Variants in ADAMTSL1 observed in about 807,000 individuals in gnomAD.
ADAMTSL1 encodes the protein ADAMTS like 1.
Under a neutral mutation model 201.8 loss-of-function variants are expected in ADAMTSL1, and 126 were observed. The observed-to-expected ratio is 0.62, with a 90% confidence interval of 0.54 to 0.72. ADAMTSL1 has a LOEUF of 0.72. ADAMTSL1 is among the 30% of genes least tolerant of loss of function. The pLI, the probability that ADAMTSL1 is intolerant of heterozygous loss-of-function variation, is 0.00. For synonymous variants in ADAMTSL1, 1,121 were observed against 903.4 expected (o/e 1.24, Z -4.32); for missense variants, 2,679 against 2,277.8 (o/e 1.18, Z -3.59).
chr9:18,610,272 A>G (rs1032124705), intron 4 of ADAMTSL1, among the ~76,000 whole-genome samples: 6 of 152,178 alleles, frequency 3.9e-5, no homozygotes, highest in African/African-American at 1.2e-4. Context: ...GAAATTTACT[A>G]TTTCATCCAA....
intron 1 of ADAMTSL1, among the ~76,000 whole-genome samples, chr9:18,139,464 A>G (rs561240547): frequency 1.5e-4 from 23 of 152,206 alleles, no homozygotes; most frequent in African/African-American, 4.3e-4. Flanking sequence ...AGGGGTGCCA[A>G]CTTCCTTCTT....
intron 1 of ADAMTSL1, among the ~76,000 whole-genome samples, chr9:18,477,644 A>T (rs1045702393): frequency 3.3e-5 from 5 of 152,200 alleles, no homozygotes; most frequent in African/African-American, 1.2e-4. Flanking sequence ...TTTTTCTCAG[A>T]CCTAGATTGT....
chr9:18,715,329 C>G (rs1219081310), intron 14 of ADAMTSL1, among the ~76,000 whole-genome samples: 1 of 151,950 alleles, frequency 6.6e-6, no homozygotes, highest in Non-Finnish European at 1.5e-5. Flanking sequence ...GATTGTATAT[C>G]TAGAAATCCC....
At chr9:18,280,681 T>G (rs1832749504) in intron 2 of ADAMTSL1, among the ~76,000 whole-genome samples, 1 of 152,188 alleles carries the variant, frequency 6.6e-6, no homozygotes, top group African/African-American at 2.4e-5. Context: ...TAAATAAATT[T>G]TAAAATTTCC....
chr9:18,736,898 C>T (rs926028733), intron 15 of ADAMTSL1, among the ~76,000 whole-genome samples: 4 of 152,112 alleles, frequency 2.6e-5, no homozygotes, highest in Non-Finnish European at 5.9e-5. Flanking sequence ...TGCTACTTAC[C>T]ACATTTTGGG....
chr9:18,896,641 T>G (rs1829654509), intron 26 of ADAMTSL1, among the ~76,000 whole-genome samples: 2 of 152,140 alleles, frequency 1.3e-5, no homozygotes, highest in South Asian at 2.1e-4. Context: ...CCAAAAAACC[T>G]TCACCCCCCA....
intron 1 of ADAMTSL1, among the ~76,000 whole-genome samples, chr9:18,128,412 C>T (rs1386930681): frequency 2.0e-5 from 3 of 152,134 alleles, no homozygotes; most frequent in Admixed American, 6.6e-5. Flanking sequence ...ACCCAGGCTG[C>T]AGCGTAGTGG....
intron 2 of ADAMTSL1, among the ~76,000 whole-genome samples, chr9:18,359,877 T>C (rs1250186482): frequency 7.8e-6 from 1 of 128,188 alleles, no homozygotes; most frequent in East Asian, 2.8e-4. Flanking sequence ...ATTTGATACC[T>C]TGGACTCAAG....
At chr9:18,729,836 T>C (rs1818110558) in intron 15 of ADAMTSL1, among the ~76,000 whole-genome samples, 1 of 152,214 alleles carries the variant, frequency 6.6e-6, no homozygotes, top group African/African-American at 2.4e-5. Context: ...TCCTGAGTTC[T>C]TCATTGCACT....
intron 2 of ADAMTSL1, among the ~76,000 whole-genome samples, chr9:18,285,595 T>C (rs796394297): frequency 8.5e-5 from 13 of 152,246 alleles, no homozygotes; most frequent in African/African-American, 3.1e-4. Context: ...TTTTCTTTTT[T>C]CTTTTTTTAA....
chr9:18,099,355 A>ATATATATATATATATATTTT (rs1239180390), intron 1 of ADAMTSL1, among the ~76,000 whole-genome samples: 3 of 45,562 alleles, frequency 6.6e-5, no homozygotes, highest in South Asian at 8.1e-4. Context: ...ATATATATAT[A>ATATATATATATATATATTTT]TTTTTTTTTT....
At chr9:18,839,847 C>G (rs566438203) in intron 23 of ADAMTSL1, among the ~76,000 whole-genome samples, 1 of 150,956 alleles carries the variant, frequency 6.6e-6, no homozygotes, top group East Asian at 1.9e-4. Flanking sequence ...TGAGAAGTGT[C>G]TGTTCATGTC....
intron 1 of ADAMTSL1, among the ~76,000 whole-genome samples, chr9:18,484,156 A>G (rs1024686983): frequency 2.0e-5 from 3 of 152,244 alleles, no homozygotes; most frequent in African/African-American, 7.2e-5. Context: ...GGTACTGGCT[A>G]TGCTATATTG....
intron 16 of ADAMTSL1, 116 bp downstream of exon 16, chr9:18,753,624 T>A: frequency 8.7e-7 from 1 of 1,147,772 alleles, no homozygotes; most frequent in Non-Finnish European, 1.3e-6. Flanking sequence ...CAAGATCTGC[T>A]CATTTCTCCC....
At chr9:18,272,290 A>C (rs571497209) in intron 2 of ADAMTSL1, among the ~76,000 whole-genome samples, 1 of 152,196 alleles carries the variant, frequency 6.6e-6, no homozygotes, top group South Asian at 2.1e-4. Context: ...CAGAGCCCTC[A>C]GAAATAATAC....
intron 7 of ADAMTSL1, among the ~76,000 whole-genome samples, chr9:18,640,444 C>A (rs1271441490): frequency 6.6e-6 from 1 of 152,064 alleles, no homozygotes; most frequent in Non-Finnish European, 1.5e-5. Context: ...ATAGTAATTT[C>A]CCTAGTGGCC....
At chr9:18,260,254 C>G (rs1459792171) in intron 2 of ADAMTSL1, among the ~76,000 whole-genome samples, 1 of 152,238 alleles carries the variant, frequency 6.6e-6, no homozygotes, top group Non-Finnish European at 1.5e-5. Context: ...AGAATCCTTA[C>G]TTTCACACAG....
At chr9:18,101,426 A>G (rs1283027101) in intron 1 of ADAMTSL1, among the ~76,000 whole-genome samples, 1 of 151,384 alleles carries the variant, frequency 6.6e-6, no homozygotes, top group African/African-American at 2.4e-5. Flanking sequence ...TGAACCCAGG[A>G]GGCGGAGGTT....
chr9:18,539,140 G>T (rs750074623), intron 3 of ADAMTSL1, among the ~76,000 whole-genome samples: 1 of 152,102 alleles, frequency 6.6e-6, no homozygotes, highest in Non-Finnish European at 1.5e-5. Context: ...GATGCTACTT[G>T]CCAGGGCCAT....
Sources: allele counts gnomAD v4.1 joint callset (sites outside exome capture counted in the v4.1 genomes callset), GRCh38; gene constraint gnomAD v4.1.1; transcripts MANE v1.5; gene names NCBI Gene and HGNC (gene_info 2026-07-23, HGNC 2026-07-21).